Variants in CELSR1 observed in about 807,000 individuals in gnomAD.
The protein encoded by CELSR1 is cadherin EGF LAG seven-pass G-type receptor 1.
A neutral mutation model predicts 249.1 loss-of-function variants in CELSR1; 110 were observed. That is an observed-to-expected ratio of 0.44 (90% CI 0.38 to 0.52). CELSR1 has a LOEUF of 0.52. Among genes scored for constraint, CELSR1 ranks in the 20% least tolerant of loss-of-function variants. The probability of loss-of-function intolerance (pLI) is 0.00; values close to 1 mark genes in which losing one functional copy is unlikely to be tolerated. For synonymous variants in CELSR1, 2,113 were observed against 1,900.0 expected, an observed-to-expected ratio of 1.11 and a Z score of -2.92; for missense variants, 4,109 against 4,296.4, an observed-to-expected ratio of 0.96 and a Z score of 1.22.
intron 2 of CELSR1, chr22:46,462,873 C>A (rs2080047591): frequency 4.3e-6 from 2 of 464,422 alleles, no homozygotes; most frequent in Non-Finnish European, 4.4e-6. Flanking sequence ...CAGGAGGTAT[C>A]AAGGAAAGAG....
rs771001318 is a variant in CELSR1, at chr22:46,399,804, G to A, written c.5325C>T (p.His1775=). 1.2e-5 allele frequency: 20 copies of A among 1,614,002 alleles called. No homozygotes were observed. In the African/African-American group the frequency reaches 2.0e-4, roughly 16 times the overall value. The change falls in exon 10 of 35, where the codon CAC becomes CAT. Residue 1775 remains histidine (H), a synonymous_variant. Transcript: ENST00000674500. The surrounding 1 kb of genome is among the most constrained non-coding windows in gnomAD (Gnocchi z 5.0). ...SGLRVTDGEW[H]HLLIELKNVK... is the part of the protein sequence containing the mutation. ...CATTCTTCAGCTCGATCAGCAGGTG[G>A]TGCCACTCCCCGTCGGTCACCCGCA... is the stretch of plus-strand genomic sequence containing the variant.
chr22:46,418,980 C>A (rs557041502), intron 5 of CELSR1, among the ~76,000 whole-genome samples: 17 of 152,192 alleles, frequency 1.1e-4, no homozygotes, highest in Non-Finnish European at 2.4e-4. Flanking sequence ...CAGCACTGGA[C>A]GGAGATAAGC....
chr22:46,386,479 T>C lies in CELSR1; in HGVS notation c.6662A>G (p.Glu2221Gly). Residue 2221 changes from glutamate (E) to glycine (G), a missense_variant, in exon 19 of 35, where the codon GAG becomes GGG. Glu to Gly is a moderately conservative substitution (Grantham distance 98). Around this residue, in one of 7 missense-constraint regions of CELSR1, gnomAD observed 1,805 missense variants for 1,831.6 expected, o/e 0.99. Transcript: ENST00000674500. The part of the protein sequence containing the change: ...GGTAQLLRRL[E>G]GYFSNVARNV... ...GCGTGCCACGTTGCTGAAGTAGCCC[T>C]CGAGGCGCCGGAGCAGCTGTGCCGT... is the stretch of plus-strand genomic sequence containing the variant. 1 of 1,602,076 alleles carries C rather than the reference T, an allele frequency of 6.2e-7. No homozygotes were observed. The highest frequency in any genetic ancestry group is 8.5e-7 in the Non-Finnish European group (1 of 1,175,072).
At position 46,365,613 on chromosome 22, in the gene CELSR1, T is replaced by C. The variant is rs761213758; in HGVS notation, c.8377A>G (p.Met2793Val). 4 of 1,594,496 alleles carry C rather than the reference T, an allele frequency of 2.5e-6. No individual in the cohort carries two copies. Among genetic ancestry groups the C allele is most frequent in the East Asian group, 2.3e-5 (1 of 44,108 alleles). The change falls in exon 31 of 35, where the codon ATG becomes GTG. Residue 2793 changes from methionine to valine, a missense_variant. This residue lies in a region of CELSR1 where 1,805 missense variants were observed against 1,831.6 expected (regional missense o/e 0.99). Transcript: ENST00000674500. ...GGGGGATCCTTGCAGCTCCTGGGCA[T>C]GAGGGACGCGTCTGGCTCTCCGTGG... ...GSHGEPDASL[M>V]PRSCKDPPGH...
rs1214098030 is a variant in CELSR1 at position 46,428,090 on chromosome 22, G to A, written c.4611+5303C>T. On this transcript the variant is annotated intron_variant, in intron 5 of 34. Coordinates refer to ENST00000674500, the MANE Select transcript of CELSR1 (RefSeq NM_001378328.1). This position sits in a 1 kb window ranked among gnomAD's most constrained non-coding sequence, Gnocchi z 5.7. ...AGCAGGACCTAGCGGTCATCTCAAGGTCATGGAAATCTCAAAGCACTTACA... is the reference window on the plus strand; with the variant it reads ...AGCAGGACCTAGCGGTCATCTCAAGATCATGGAAATCTCAAAGCACTTACA... Among the ~76,000 whole-genome samples the A allele has an allele frequency of 6.6e-6, 1 of 152,166 alleles. No homozygotes were observed. Among genetic ancestry groups the A allele is most frequent in the Non-Finnish European group, 1.5e-5 (1 of 68,038 alleles).
chr22:46,386,513 C>T lies in CELSR1; in HGVS notation c.6628G>A (p.Glu2210Lys), dbSNP rs145196848. 25 of 1,597,372 alleles carry T rather than the reference C, an allele frequency of 1.6e-5. No homozygotes were observed. The highest frequency in any genetic ancestry group is 2.3e-5 in the South Asian group (2 of 88,502). ...RAAWEQIQRS[E>K]GGTAQLLRRL... ...CGGAGCAGCTGTGCCGTGCCGCCCT[C>T]GCTCCGCTGGATCTGCTCCCACGCC... is the stretch of plus-strand genomic sequence containing the variant. Residue 2210 changes from glutamate to lysine, a missense_variant, in exon 19 of 35, where the codon GAG (glutamate) becomes AAG (lysine). Coordinates refer to ENST00000674500, the MANE Select transcript of CELSR1 (RefSeq NM_001378328.1).
At position 46,533,550 on chromosome 22, in the gene CELSR1, C is replaced by T. The variant is rs1241234903; in HGVS notation, c.3544+77G>A. The T allele has an allele frequency of 4.7e-5, 70 of 1,494,306 alleles. No homozygotes were observed. The South Asian group carries it at 5.6e-4, about 12-fold the overall frequency. The allele number at this position is 1,494,306 out of a possible 1,614,324, so 92.6% of individuals were successfully genotyped here. On this transcript the variant is annotated intron_variant, in intron 1 of 34. Coordinates refer to ENST00000674500, the MANE Select transcript of CELSR1 (RefSeq NM_001378328.1). ...CCCAATTGCGCCCCGGCATGCCAGG[C>T]GGAGCCCTTGGCGGGTTCCTGAGGC... is the stretch of plus-strand genomic sequence containing the variant.
chr22:46,368,184 G>A (rs998634810), intron 27 of CELSR1, among the ~76,000 whole-genome samples: 1 of 152,196 alleles, frequency 6.6e-6, no homozygotes, highest in African/African-American at 2.4e-5. Context: ...GAGATACCCT[G>A]TGGAGAGGCA....
chr22:46,448,329 C>T lies in CELSR1; in HGVS notation c.4184-8918G>A, dbSNP rs2079844108. ...ACGCGAGGGGATGCTGATGTGAACC[C>T]CTGGCTCAAGAGCTCCAGAACTTAC... On this transcript the variant is annotated intron_variant, in intron 2 of 34. Coordinates refer to ENST00000674500, the MANE Select transcript of CELSR1 (RefSeq NM_001378328.1). This position sits in a 1 kb window ranked among gnomAD's most constrained non-coding sequence, Gnocchi z 5.7. Among the ~76,000 whole-genome samples the T allele has an allele frequency of 6.6e-6, 1 of 152,128 alleles. No individual in the cohort carries two copies. The highest frequency in any genetic ancestry group is 1.5e-5 in the Non-Finnish European group (1 of 68,014).
At chr22:46,478,554 T>G (rs2080233772) in intron 1 of CELSR1, among the ~76,000 whole-genome samples, 1 of 151,798 alleles carries the variant, frequency 6.6e-6, no homozygotes, top group African/African-American at 2.4e-5. Context: ...AATTTTTTTT[T>G]TTTTTTGAGA....
chr22:46,456,048 A>G (rs1378754390), intron 2 of CELSR1, among the ~76,000 whole-genome samples: 2 of 152,094 alleles, frequency 1.3e-5, no homozygotes, highest in Non-Finnish European at 2.9e-5. Flanking sequence ...TTCCCAAGAA[A>G]GGATTCTGTT....
rs2080164082 is a variant in CELSR1, at chr22:46,472,321, A to C, written c.3545-7976T>G. 6.6e-6 allele frequency among the ~76,000 whole-genome samples: 1 copy of C among 152,188 alleles called. No homozygotes were observed. Among genetic ancestry groups the C allele is most frequent in the Non-Finnish European group, 1.5e-5 (1 of 68,032 alleles). On this transcript the variant is annotated intron_variant, in intron 1 of 34. Transcript: ENST00000674500. This position sits in a 1 kb window ranked among gnomAD's most constrained non-coding sequence, Gnocchi z 7.0. Reference sequence around the variant, plus strand: ...CTGCAGTAAGATAAAGGTTATCTGCAATTGTGTTCCCCATGGTGGGCTCAT... The same window carrying C: ...CTGCAGTAAGATAAAGGTTATCTGCCATTGTGTTCCCCATGGTGGGCTCAT...
intron 26 of CELSR1, 99 bp from the exon 27 acceptor site, chr22:46,369,357 G>A: frequency 1.9e-6 from 2 of 1,036,338 alleles, no homozygotes; most frequent in African/African-American, 1.6e-5. Flanking sequence ...AGGGAGGGGT[G>A]GCTGGGTGAG....
intron 2 of CELSR1, among the ~76,000 whole-genome samples, chr22:46,457,430 C>G (rs2079969195): frequency 6.6e-6 from 1 of 152,122 alleles, no homozygotes; most frequent in South Asian, 2.1e-4. Flanking sequence ...CAAAGCAGCC[C>G]CGGCCCACTG....
rs2078978222 is a variant in CELSR1, at chr22:46,381,583, T to C, written c.7088+263A>G. Among the ~76,000 whole-genome samples, 1 of 152,116 alleles carries C rather than the reference T, an allele frequency of 6.6e-6. No individual in the cohort carries two copies. The highest frequency in any genetic ancestry group is 2.4e-5 in the African/African-American group (1 of 41,428). ...TCTGGGCACAAGATGGGGTGTATGC[T>C]GGGGAGGGGGCATTTCTGGCACAAA... On this transcript the variant is annotated intron_variant, in intron 21 of 34. Coordinates refer to ENST00000674500, the MANE Select transcript of CELSR1 (RefSeq NM_001378328.1). The surrounding 1 kb of genome is among the most constrained non-coding windows in gnomAD (Gnocchi z 6.0).
chr22:46,376,837 G>GC (rs2078923980), intron 24 of CELSR1, among the ~76,000 whole-genome samples: 1 of 151,854 alleles, frequency 6.6e-6, no homozygotes, highest in Non-Finnish European at 1.5e-5. Flanking sequence ...GAAAGAAAGG[G>GC]CCCCCCATCT....
At position 46,433,857 on chromosome 22, in the gene CELSR1, G is replaced by C. The variant is rs1349631757; in HGVS notation, c.4523-376C>G. Among the ~76,000 whole-genome samples the C allele has an allele frequency of 1.3e-5, 2 of 152,126 alleles. No homozygotes were observed. Among genetic ancestry groups the C allele is most frequent in the Non-Finnish European group, 2.9e-5 (2 of 68,032 alleles). On this transcript the variant is annotated intron_variant, in intron 4 of 34. Coordinates refer to ENST00000674500, the MANE Select transcript of CELSR1 (RefSeq NM_001378328.1). The surrounding 1 kb of genome is among the most constrained non-coding windows in gnomAD (Gnocchi z 5.7). Reference sequence around the variant, plus strand: ...CCACCACCACACCCGGCTAATTTTTGTATTTTTAGTAGAGATGGGGTTTCA... The same window carrying C: ...CCACCACCACACCCGGCTAATTTTTCTATTTTTAGTAGAGATGGGGTTTCA...
chr22:46,414,429 A>T (rs1200078709), intron 5 of CELSR1, among the ~76,000 whole-genome samples: 1 of 152,250 alleles, frequency 6.6e-6, no homozygotes, highest in Non-Finnish European at 1.5e-5. Context: ...AAATCACAGC[A>T]TCCCGATGGC....
Position 46,363,440 on chromosome 22 carries a change from C to T in CELSR1, c.9036-193G>A. On this transcript the variant is annotated intron_variant, in intron 34 of 34. Transcript: ENST00000674500. This position sits in a 1 kb window ranked among gnomAD's most constrained non-coding sequence, Gnocchi z 4.3. ...GGCAGGAGAGGGGACCAGGACCAGC[C>T]TGTGGGCCTCTGTGTTGCTGGTCTT... 3.6e-6 allele frequency: 2 copies of T among 555,678 alleles called. No individual in the cohort carries two copies. The highest frequency in any genetic ancestry group is 3.0e-5 in the East Asian group (1 of 33,002). 34.4% of individuals were successfully genotyped at this position (555,678 alleles called of 1,614,324 possible). A position where few individuals can be genotyped will look rare whatever the true frequency, so the allele number is the denominator to read the frequency against.
Sources: gnomAD v4.1 joint callset for allele counts (sites outside exome capture counted in the v4.1 genomes callset) on GRCh38, gnomAD v4.1.1 for gene constraint, gnomAD v4.1.1 regional missense constraint, Gnocchi (gnomAD v3.1) non-coding constraint, MANE v1.5 for transcripts, NCBI Gene and HGNC (gene_info 2026-07-23, HGNC 2026-07-21) for gene names.